The following CACHD1 variants were observed in gnomAD, a reference collection of about 807,000 sequenced individuals.
The protein encoded by CACHD1 is cache domain containing 1, also known as VWFA and cache domain-containing protein 1.
Under a neutral mutation model 138.7 loss-of-function variants are expected in CACHD1, and 71 were observed. That is an observed-to-expected ratio of 0.51 (90% CI 0.42 to 0.62). The LOEUF (loss-of-function observed/expected upper bound fraction) is 0.62, where lower values mean the gene tolerates loss of function less well. Among genes scored for constraint, CACHD1 ranks in the 20% least tolerant of loss-of-function variants. CACHD1 has a pLI of 0.00. For missense variants in CACHD1, 1,389 were observed against 1,625.3 expected (o/e 0.85, Z 2.50); for synonymous variants, 578 against 591.5 (o/e 0.98, Z 0.33).
chr1:64,480,692 T>C (rs1445185649), intron 1 of CACHD1, among the ~76,000 whole-genome samples: 1 of 152,026 alleles, frequency 6.6e-6, no homozygotes, highest in Admixed American at 6.5e-5. Flanking sequence ...TTTTTTTTAC[T>C]GAAAAGGTAA....
At chr1:64,636,381 A>G (rs1648527041) in intron 7 of CACHD1, among the ~76,000 whole-genome samples, 1 of 152,188 alleles carries the variant, frequency 6.6e-6, no homozygotes, top group Non-Finnish European at 1.5e-5. Context: ...AGCACAATAT[A>G]CATTTGTTAT....
chr1:64,545,926 T>G (rs893586638), intron 1 of CACHD1, among the ~76,000 whole-genome samples: 3 of 152,378 alleles, frequency 2.0e-5, no homozygotes, highest in African/African-American at 7.2e-5. Flanking sequence ...GAAGATTCTG[T>G]GAAATGTTTC....
intron 7 of CACHD1, 114 bp downstream of exon 7, chr1:64,634,374 G>GTATTTATTTATTTATT: frequency 3.9e-6 from 1 of 259,538 alleles, no homozygotes; most frequent in East Asian, 8.6e-5. Flanking sequence ...ATTTATTTAT[G>GTATTTATTTATTTATT]TATGTATTTA....
intron 12 of CACHD1, among the ~76,000 whole-genome samples, chr1:64,656,717 C>G: frequency 6.6e-6 from 1 of 151,504 alleles, no homozygotes; most frequent in East Asian, 1.9e-4. Flanking sequence ...TTAGCTTTCT[C>G]TGAGTTCTAA....
At chr1:64,575,743 C>T (rs1166872408) in intron 2 of CACHD1, among the ~76,000 whole-genome samples, 3 of 152,266 alleles carry the variant, frequency 2.0e-5, no homozygotes, top group South Asian at 2.1e-4. Flanking sequence ...AAACTCCTTC[C>T]GGCCCTTCCT....
chr1:64,679,805 G>T lies in CACHD1; in HGVS notation c.3406+49G>T. The T allele has an allele frequency of 1.9e-6, 3 of 1,598,932 alleles. No homozygotes were observed. In the South Asian group the frequency reaches 3.4e-5, roughly 18 times the overall value. On this transcript the variant is annotated intron_variant, in intron 24 of 26. Coordinates refer to ENST00000651257, the MANE Select transcript of CACHD1 (RefSeq NM_020925.4). ...GGGGAGGCAGCAGCCAGGCTAGAAG[G>T]ACAGTGGCGGGTTGTGTAAGCCTCT...
chr1:64,653,814 C>G lies in CACHD1; in HGVS notation c.1597C>G (p.Leu533Val). 2 of 1,612,202 alleles carry G rather than the reference C, an allele frequency of 1.2e-6. No individual in the cohort carries two copies. The change falls in exon 11 of 27, where the codon CTT (leucine) becomes GTT (valine). Residue 533 changes from leucine (L) to valine (V), a missense_variant. Leu to Val is a conservative substitution (Grantham distance 32, BLOSUM62 1). Transcript: ENST00000651257. ...TRPYLLSEPP[L>V]HTDIIHYENI... ...GCCATATTTATTGTCAGAGCCCCCACTTCATACTGACATCATACATTATGA... is the reference window on the plus strand; with the variant it reads ...GCCATATTTATTGTCAGAGCCCCCAGTTCATACTGACATCATACATTATGA...
intron 8 of CACHD1, among the ~76,000 whole-genome samples, chr1:64,644,154 G>C (rs1264253380): frequency 6.6e-6 from 1 of 152,254 alleles, no homozygotes; most frequent in African/African-American, 2.4e-5. Flanking sequence ...AGTGGGTGAG[G>C]GTGCCTGGGC....
At chr1:64,490,692 C>A (rs567554847) in intron 1 of CACHD1, among the ~76,000 whole-genome samples, 5 of 152,166 alleles carry the variant, frequency 3.3e-5, no homozygotes, top group African/African-American at 1.2e-4. Context: ...ACAAAGGAGT[C>A]GTGCAAAGGC....
chr1:64,587,387 A>G (rs1039036593), intron 3 of CACHD1, among the ~76,000 whole-genome samples: 2 of 152,234 alleles, frequency 1.3e-5, no homozygotes, highest in African/African-American at 4.8e-5. Context: ...GAGGAGCTTT[A>G]AAGACCTTTG....
intron 4 of CACHD1, among the ~76,000 whole-genome samples, chr1:64,619,735 A>T (rs1366108585): frequency 6.6e-6 from 1 of 152,154 alleles, no homozygotes; most frequent in Non-Finnish European, 1.5e-5. Context: ...AGAGGGCGTG[A>T]TCCCCGCACT....
chr1:64,481,662 G>A (rs1283305982), intron 1 of CACHD1, among the ~76,000 whole-genome samples: 1 of 152,236 alleles, frequency 6.6e-6, no homozygotes, highest in Non-Finnish European at 1.5e-5. Flanking sequence ...GAAAATCCAA[G>A]TGTGTCATAA....
chr1:64,648,362 G>A (rs1043931186), intron 9 of CACHD1, among the ~76,000 whole-genome samples: 3 of 152,166 alleles, frequency 2.0e-5, no homozygotes, highest in Non-Finnish European at 2.9e-5. Flanking sequence ...ACAAGGCAAC[G>A]TGGCATCATC....
intron 1 of CACHD1, among the ~76,000 whole-genome samples, chr1:64,535,718 C>T (rs557724299): frequency 6.6e-6 from 1 of 152,246 alleles, no homozygotes; most frequent in Admixed American, 6.5e-5. Context: ...TTTGAAACGT[C>T]CCCTAGTAAA....
intron 4 of CACHD1, among the ~76,000 whole-genome samples, chr1:64,617,194 C>T (rs534059496): frequency 5.3e-5 from 8 of 151,768 alleles, no homozygotes; most frequent in Admixed American, 2.6e-4. Flanking sequence ...ATTGTTCAGC[C>T]GCCATGCAGA....
At chr1:64,569,569 G>A (rs1258098010) in intron 2 of CACHD1, among the ~76,000 whole-genome samples, 1 of 152,154 alleles carries the variant, frequency 6.6e-6, no homozygotes, top group Non-Finnish European at 1.5e-5. Flanking sequence ...AGGAGCAGCG[G>A]GGGCCTTGCG....
Position 64,664,531 on chromosome 1 carries a change from C to A in CACHD1, c.2128C>A (p.His710Asn). The A allele has an allele frequency of 6.2e-7, 1 of 1,614,214 alleles. No homozygotes were observed. The highest frequency in any genetic ancestry group is 8.5e-7 in the Non-Finnish European group (1 of 1,180,020). Residue 710 changes from histidine (H) to asparagine (N), a missense_variant, in exon 15 of 27, where the codon CAC (histidine) becomes AAC (asparagine). By Grantham distance (68) the His-to-Asn change is moderately conservative (BLOSUM62 1). Coordinates refer to ENST00000651257, the MANE Select transcript of CACHD1 (RefSeq NM_020925.4). Reference protein sequence around the residue: ...SVRNEVMATSHVTDEWMTQME... With the variant: ...SVRNEVMATSNVTDEWMTQME... The stretch of plus-strand genomic sequence containing the variant: ...CAGAAATGAAGTAATGGCTACCAGC[C>A]ACGTCACAGATGAATGGATGACACA...
At chr1:64,671,889 T>C (rs1428919630) in intron 17 of CACHD1, among the ~76,000 whole-genome samples, 2 of 152,160 alleles carry the variant, frequency 1.3e-5, no homozygotes, top group African/African-American at 4.8e-5. Context: ...TTAGACAGAC[T>C]CAGCACACAA....
intron 20 of CACHD1, 115 bp downstream of exon 20, chr1:64,675,676 A>C: frequency 7.6e-7 from 1 of 1,307,298 alleles, no homozygotes; most frequent in Non-Finnish European, 1.1e-6. Context: ...TCCTGAAGAA[A>C]AGTCACAGTT....
Sources: gnomAD v4.1 joint callset for allele counts (sites outside exome capture counted in the v4.1 genomes callset) on GRCh38, gnomAD v4.1.1 for gene constraint, MANE v1.5 for transcripts, NCBI Gene and HGNC (gene_info 2026-07-23, HGNC 2026-07-21) for gene names.